The following NIPBL variants were observed in gnomAD, a reference collection of about 807,000 sequenced individuals.
The protein encoded by NIPBL is NIPBL cohesin loading factor.
NIPBL carries 19 observed loss-of-function variants against 321.8 expected under a neutral mutation model. The observed-to-expected ratio is 0.06, with a 90% CI of 0.04 to 0.09. The LOEUF is 0.09. Among genes scored for constraint, NIPBL ranks in the 10% least tolerant of loss-of-function variants. NIPBL has a pLI of 1.00. For missense variants in NIPBL, 2,210 were observed against 3,327.0 expected (o/e 0.66, Z 8.26); for synonymous variants, 1,106 against 1,114.1 (o/e 0.99, Z 0.14).
At position 36,985,746 on chromosome 5, in the gene NIPBL, A is replaced by C; in HGVS notation, c.2566A>C (p.Ile856Leu). The change falls in exon 10 of 47, where the codon ATT (isoleucine) becomes CTT (leucine). Residue 856 changes from isoleucine (I) to leucine (L), a missense_variant. Physicochemically the swap from Ile to Leu is conservative, Grantham distance 5 (BLOSUM62 2). This residue lies in a region of NIPBL where 588 missense variants were observed against 564.1 expected (regional missense o/e 1.04). Coordinates refer to ENST00000282516, the MANE Select transcript of NIPBL (RefSeq NM_133433.4). ...LRSSSRNEHGIKSDSSKTDKL... is the reference protein window; with the variant it reads ...LRSSSRNEHGLKSDSSKTDKL... ...ATCCTCTAGTAGAAATGAACATGGC[A>C]TTAAATCTGATAGTTCAAAAACTGA... 6.2e-7 allele frequency: 1 copy of C among 1,613,948 alleles called. No homozygotes were observed. The highest frequency in any genetic ancestry group is 8.5e-7 in the Non-Finnish European group (1 of 1,179,974).
intron 1 of NIPBL, among the ~76,000 whole-genome samples, chr5:36,938,181 A>G (rs293776): frequency 0.032 from 4,849 of 152,158 alleles, 247 homozygotes; most frequent in African/African-American, 0.11. Flanking sequence ...TTGTGCCTCT[A>G]TTGTCTCCAA....
rs927123633 is a variant in NIPBL, at chr5:37,060,541, T to C, written c.7686-303T>C. On this transcript the variant is annotated intron_variant, in intron 44 of 46. Transcript: ENST00000282516. ...ACCTTGTAAGGTTTTGAGGCAATGC[T>C]AAGGAGTTGGAAAGATTTTTAAGCA... 2.6e-5 allele frequency among the ~76,000 whole-genome samples: 4 copies of C among 152,168 alleles called. No homozygotes were observed. The East Asian group carries it at 7.7e-4, about 29-fold the overall frequency.
In NIPBL at chr5:37,017,119, C is replaced by T; in HGVS notation, c.4877C>T (p.Thr1626Ile). 6.2e-7 allele frequency: 1 copy of T among 1,612,674 alleles called. No individual in the cohort carries two copies. Among genetic ancestry groups the T allele is most frequent in the Non-Finnish European group, 8.5e-7 (1 of 1,179,030 alleles). ...GCACGGCTAAGAAAAGATGCTGTTA[C>T]AAGCAAAATGGATCAAGGATCTATA... ...VAARLRKDAV[T>I]SKMDQGSIER... The change falls in exon 24 of 47, where the codon ACA becomes ATA. Residue 1626 changes from threonine (T) to isoleucine (I), a missense_variant. Thr to Ile is a moderately conservative substitution (Grantham distance 89). Around this residue, in one of 14 missense-constraint regions of NIPBL, gnomAD observed 138 missense variants for 175.8 expected, o/e 0.79. Transcript: ENST00000282516.
intron 33 of NIPBL, 56 bp downstream of exon 33, chr5:37,036,543 A>G: frequency 1.4e-6 from 1 of 722,464 alleles, no homozygotes; most frequent in South Asian, 2.5e-5. Context: ...ATATTTTTAA[A>G]TATTTTGAGT....
intron 1 of NIPBL, among the ~76,000 whole-genome samples, chr5:36,950,871 A>T (rs1426902295): frequency 6.6e-6 from 1 of 152,112 alleles, no homozygotes; most frequent in Non-Finnish European, 1.5e-5. Context: ...GACCCTGGTC[A>T]CCTTCCAACA....
chr5:36,995,341 T>C lies in NIPBL; in HGVS notation c.3122-281T>C, dbSNP rs182497470. Reference sequence around the variant, plus strand: ...TCAGAAAGTTTTTAGTCAGTGCAAATTGAAGGCATTATATCAAAAATGTAT... The same window carrying C: ...TCAGAAAGTTTTTAGTCAGTGCAAACTGAAGGCATTATATCAAAAATGTAT... On this transcript the variant is annotated intron_variant, in intron 10 of 46. Transcript: ENST00000282516. 2.0e-3 allele frequency: 541 copies of C among 265,856 alleles called. 3 individuals are homozygous for C. Among genetic ancestry groups the C allele is most frequent in the African/African-American group, 0.012 (515 of 44,242 alleles). The allele number at this position is 265,856 out of a possible 1,614,324, so 16.5% of individuals were successfully genotyped here. A position where few individuals can be genotyped will look rare whatever the true frequency, so the allele number is the denominator to read the frequency against.
chr5:36,883,903 A>G (rs1210633447), intron 1 of NIPBL, among the ~76,000 whole-genome samples: 2 of 150,624 alleles, frequency 1.3e-5, no homozygotes, highest in South Asian at 2.1e-4. Context: ...TTTATTTTTT[A>G]TTAATACTAT....
At position 37,065,135 on chromosome 5, in the gene NIPBL, T is replaced by A; in HGVS notation, c.*243T>A. 1.9e-6 allele frequency: 1 copy of A among 518,106 alleles called. No homozygotes were observed. The highest frequency in any genetic ancestry group is 3.4e-6 in the Non-Finnish European group (1 of 293,218). The allele number at this position is 518,106 out of a possible 1,614,324, so 32.1% of individuals were successfully genotyped here. A position where few individuals can be genotyped will look rare whatever the true frequency, so the allele number is the denominator to read the frequency against. On this transcript the variant is annotated 3_prime_UTR_variant, in exon 47 of 47. Coordinates refer to ENST00000282516, the MANE Select transcript of NIPBL (RefSeq NM_133433.4). ...GTATTATAGTTTAACAAAAATTGTTTATATCTTGGAAAAAAAACTTTCTGT... is the reference window on the plus strand; with the variant it reads ...GTATTATAGTTTAACAAAAATTGTTAATATCTTGGAAAAAAAACTTTCTGT...
At chr5:36,963,441 G>C (rs1055449551) in intron 6 of NIPBL, among the ~76,000 whole-genome samples, 26 of 152,062 alleles carry the variant, frequency 1.7e-4, no homozygotes, top group Admixed American at 1.5e-3. Flanking sequence ...ACCAGATTAT[G>C]AAATATTAGG....
intron 34 of NIPBL, among the ~76,000 whole-genome samples, chr5:37,039,363 C>T (rs1481227333): frequency 6.6e-6 from 1 of 150,552 alleles, no homozygotes; most frequent in East Asian, 1.9e-4. Context: ...TAATATCATA[C>T]CAGAGATGTT....
intron 1 of NIPBL, among the ~76,000 whole-genome samples, chr5:36,946,429 C>G (rs899286161): frequency 1.3e-5 from 2 of 151,974 alleles, no homozygotes; most frequent in Admixed American, 6.6e-5. Context: ...TGGATGGTAG[C>G]TGTTTCCTGT....
rs1235333246 is a variant in NIPBL, at chr5:37,064,799, A to G, written c.8322A>G (p.Lys2774=). The part of the protein sequence containing the change: ...DTIKESDIIY[K]KIALTSANKL... ...TTAAAGAGTCAGACATTATTTACAA[A>G]AAAATTGCTCTAACGAGTGCTAATA... Residue 2774 remains lysine (K), a synonymous_variant, in exon 47 of 47, where the codon AAA becomes AAG. Transcript: ENST00000282516. 6.2e-7 allele frequency: 1 copy of G among 1,614,092 alleles called. No homozygotes were observed. Among genetic ancestry groups the G allele is most frequent in the Non-Finnish European group, 8.5e-7 (1 of 1,180,038 alleles).
intron 28 of NIPBL, 25 bp from the exon 29 acceptor site, chr5:37,022,219 T>G (rs764475105): frequency 3.7e-5 from 59 of 1,613,528 alleles, no homozygotes; most frequent in Non-Finnish European, 5.0e-5. Flanking sequence ...GTATAAATTG[T>G]TTTTTTCTCT....
chr5:36,896,519 C>G (rs1171165748), intron 1 of NIPBL, among the ~76,000 whole-genome samples: 2 of 152,108 alleles, frequency 1.3e-5, no homozygotes, highest in Non-Finnish European at 2.9e-5. Context: ...GGGAGTATTG[C>G]CTTTACAATA....
At chr5:37,054,067 G>A (rs1363451547) in intron 42 of NIPBL, among the ~76,000 whole-genome samples, 2 of 151,826 alleles carry the variant, frequency 1.3e-5, no homozygotes, top group Admixed American at 6.6e-5. Flanking sequence ...GTGGTGGCAC[G>A]CGCCTGTAAT....
intron 1 of NIPBL, among the ~76,000 whole-genome samples, chr5:36,877,666 C>G (rs1237316023): frequency 6.6e-6 from 1 of 152,252 alleles, no homozygotes; most frequent in Non-Finnish European, 1.5e-5. Flanking sequence ...TCCCTTCTTC[C>G]CCCTGTGACC....
intron 32 of NIPBL, among the ~76,000 whole-genome samples, chr5:37,029,322 A>G (rs1020740406): frequency 2.0e-4 from 31 of 152,198 alleles, no homozygotes; most frequent in African/African-American, 6.0e-4. Flanking sequence ...GTTCCTATCA[A>G]TGGAGTCATA....
intron 1 of NIPBL, among the ~76,000 whole-genome samples, chr5:36,915,060 A>G (rs1580216867): frequency 6.6e-6 from 1 of 152,082 alleles, no homozygotes; most frequent in African/African-American, 2.4e-5. Flanking sequence ...AATGAAGTCT[A>G]TCAGCCCTGT....
At chr5:36,951,266 A>G (rs1272691548) in intron 1 of NIPBL, among the ~76,000 whole-genome samples, 2 of 152,134 alleles carry the variant, frequency 1.3e-5, no homozygotes, top group African/African-American at 4.8e-5. Context: ...CTGGGGTTGG[A>G]TCTGCTCTAT....
Sources: allele counts gnomAD v4.1 joint callset (sites outside exome capture counted in the v4.1 genomes callset), GRCh38; gene constraint gnomAD v4.1.1; regional missense constraint gnomAD v4.1.1; transcripts MANE v1.5; gene names NCBI Gene and HGNC (gene_info 2026-07-23, HGNC 2026-07-21).